SAMMSON: variants seen among roughly 807,000 people sequenced by gnomAD.
The protein encoded by SAMMSON is survival associated mitochondrial melanoma specific oncogenic non-coding RNA.
chr3:70,124,376 G>A (rs946850189), intron 4 of SAMMSON, among the ~76,000 whole-genome samples: 6 of 152,112 alleles, frequency 3.9e-5, no homozygotes, highest in Non-Finnish European at 8.8e-5. Flanking sequence ...TATCATTTGC[G>A]GGAGAAATGC....
chr3:70,176,300 G>C (rs74517720), intron 4 of SAMMSON, among the ~76,000 whole-genome samples: 2,709 of 152,194 alleles, frequency 0.018, 89 homozygotes, highest in African/African-American at 0.061. Flanking sequence ...CGAAACCCAA[G>C]AAATGTACTT....
chr3:70,400,500 C>T (rs1444249082), intron 2 of SAMMSON, among the ~76,000 whole-genome samples: 1 of 152,192 alleles, frequency 6.6e-6, no homozygotes, highest in East Asian at 1.9e-4. Context: ...CAGTGTAAGG[C>T]TCTCACCAGA....
chr3:70,325,433 T>C (rs1426015732), intron 7 of SAMMSON, among the ~76,000 whole-genome samples: 1 of 152,152 alleles, frequency 6.6e-6, no homozygotes, highest in Admixed American at 6.5e-5. Flanking sequence ...TGCAGAAAGA[T>C]TGGATAAGGC....
At chr3:70,290,893 A>G (rs1049813950) in intron 6 of SAMMSON, among the ~76,000 whole-genome samples, 1 of 152,142 alleles carries the variant, frequency 6.6e-6, no homozygotes, top group Non-Finnish European at 1.5e-5. Flanking sequence ...TTCCCGAGTG[A>G]GGCAATGCCT....
intron 4 of SAMMSON, among the ~76,000 whole-genome samples, chr3:70,202,478 G>C (rs1419788457): frequency 1.3e-5 from 2 of 152,100 alleles, no homozygotes; most frequent in Non-Finnish European, 2.9e-5. Flanking sequence ...TGACTTTTCT[G>C]CTCTTCTAAA....
In SAMMSON at chr3:70,089,614, C is replaced by T. The variant is rs1435532786; in HGVS notation, n.507+18049C>T. Among the ~76,000 whole-genome samples the T allele has an allele frequency of 2.0e-5, 3 of 152,074 alleles. No homozygotes were observed. The East Asian group carries it at 5.8e-4, about 29-fold the overall frequency. On this transcript the variant is annotated intron_variant and non_coding_transcript_variant, in intron 4 of 9. Transcript: ENST00000642114. ...CAGTCACCACTATCACAAGTGATAG[C>T]TTGTGTTTCTCCATTGGGAAAATGC...
intron 6 of SAMMSON, among the ~76,000 whole-genome samples, chr3:70,269,599 GT>G (rs1183181674): frequency 1.3e-5 from 2 of 152,092 alleles, no homozygotes; most frequent in Non-Finnish European, 2.9e-5. Context: ...GGGCTGCCCA[GT>G]TCTTGACTTT....
At chr3:70,318,411 A>G (rs1472849407) in intron 7 of SAMMSON, among the ~76,000 whole-genome samples, 1 of 151,700 alleles carries the variant, frequency 6.6e-6, no homozygotes, top group Non-Finnish European at 1.5e-5. Flanking sequence ...CATTAAGGCA[A>G]CCTGGCATAG....
chr3:70,201,579 A>G (rs543274636), intron 4 of SAMMSON, among the ~76,000 whole-genome samples: 1 of 152,310 alleles, frequency 6.6e-6, no homozygotes, highest in East Asian at 1.9e-4. Context: ...GGATGAGGAA[A>G]CTGAGGCAAA....
At chr3:70,019,957 C>G (rs530128713) in intron 3 of SAMMSON, among the ~76,000 whole-genome samples, 3 of 152,278 alleles carry the variant, frequency 2.0e-5, no homozygotes, top group African/African-American at 7.2e-5. Context: ...CCTGAATCCT[C>G]TCTGTGAAGA....
chr3:70,382,704 A>G (rs1233805188), intron 9 of SAMMSON, among the ~76,000 whole-genome samples: 5 of 151,782 alleles, frequency 3.3e-5, no homozygotes, highest in Admixed American at 3.3e-4. Flanking sequence ...GTGTTGTAAA[A>G]ATTATAATAC....
At chr3:70,296,448 A>G (rs1026542548) in intron 7 of SAMMSON, among the ~76,000 whole-genome samples, 1 of 152,138 alleles carries the variant, frequency 6.6e-6, no homozygotes, top group African/African-American at 2.4e-5. Flanking sequence ...GCCCCAGTTT[A>G]TAGAACCCAT....
At position 70,214,659 on chromosome 3, in the gene SAMMSON, C is replaced by T. The variant is rs933415146; in HGVS notation, n.508-34448C>T. On this transcript the variant is annotated intron_variant and non_coding_transcript_variant, in intron 4 of 9. Coordinates refer to ENST00000642114, the Ensembl canonical transcript of SAMMSON. ...TGGATAATTACTTCAGTTTTCTGCC[C>T]GCCACTATACTTTGCACCTGTAGAC... Among the ~76,000 whole-genome samples, 61 of 150,744 alleles carry T rather than the reference C, an allele frequency of 4.0e-4. 1 individual carries two copies. Among genetic ancestry groups the T allele is most frequent in the Non-Finnish European group, 4.1e-4 (28 of 67,790 alleles).
intron 4 of SAMMSON, among the ~76,000 whole-genome samples, chr3:70,243,186 T>G (rs1701677754): frequency 6.6e-6 from 1 of 152,182 alleles, no homozygotes; most frequent in Non-Finnish European, 1.5e-5. Flanking sequence ...CTCATGAACA[T>G]CTTGTTAAGG....
At chr3:70,012,317 C>G (rs2066960210) in intron 1 of SAMMSON, 1 of 151,758 alleles carries the variant, frequency 6.6e-6, no homozygotes, top group African/African-American at 2.4e-5. Flanking sequence ...GATTAAGAAT[C>G]TTGAGATGTG....
Position 70,334,694 on chromosome 3 carries a change from A to G in SAMMSON, n.740-19481A>G, listed in dbSNP as rs78312030. Among the ~76,000 whole-genome samples, 23 of 152,212 alleles carry G rather than the reference A, an allele frequency of 1.5e-4. 1 individual carries two copies. Among genetic ancestry groups the G allele is most frequent in the African/African-American group, 4.8e-4 (20 of 41,558 alleles). On this transcript the variant is annotated intron_variant and non_coding_transcript_variant, in intron 7 of 9. Transcript: ENST00000642114. Reference sequence around the variant, plus strand: ...CTCACAACAACCCTGTAAGCTAAATATGACTCCCTCATTTTTACAGTTGAA... The same window carrying G: ...CTCACAACAACCCTGTAAGCTAAATGTGACTCCCTCATTTTTACAGTTGAA...
At chr3:70,035,604 G>A (rs780964367) in intron 3 of SAMMSON, among the ~76,000 whole-genome samples, 2 of 152,156 alleles carry the variant, frequency 1.3e-5, no homozygotes, top group Admixed American at 1.3e-4. Context: ...CTACTGACTA[G>A]ACCATCACAG....
At chr3:70,277,713 C>T (rs1400775598) in intron 6 of SAMMSON, among the ~76,000 whole-genome samples, 2 of 152,082 alleles carry the variant, frequency 1.3e-5, no homozygotes, top group East Asian at 1.9e-4. Flanking sequence ...GATGCCACCT[C>T]AGTCTAAGAT....
chr3:70,257,134 G>A (rs1208638248), intron 6 of SAMMSON, among the ~76,000 whole-genome samples: 1 of 152,184 alleles, frequency 6.6e-6, no homozygotes, highest in East Asian at 1.9e-4. Flanking sequence ...TCTAGAAAAT[G>A]ATTTGATAAT....
Sources: gnomAD v4.1 joint callset for allele counts (sites outside exome capture counted in the v4.1 genomes callset) on GRCh38, gnomAD v4.1.1 for gene constraint, MANE v1.5 for transcripts, NCBI Gene and HGNC (gene_info 2026-07-23, HGNC 2026-07-21) for gene names.